Variants in DBF4 observed in about 807,000 individuals in gnomAD.
The protein encoded by DBF4 is protein DBF4 homolog A.
A neutral mutation model predicts 76.6 loss-of-function variants in DBF4; 25 were observed. That is an observed-to-expected ratio of 0.33 (90% confidence interval 0.24 to 0.46). DBF4 has a LOEUF of 0.46. DBF4 is among the 20% of genes least tolerant of loss of function. The probability of loss-of-function intolerance (pLI) is 1.00; values close to 1 mark genes in which losing one functional copy is unlikely to be tolerated. For synonymous variants in DBF4, 213 were observed against 258.0 expected (o/e 0.83, Z 1.67); for missense variants, 638 against 760.8 (o/e 0.84, Z 1.90).
chr7:87,888,504 G>T (rs1839415213), intron 6 of DBF4: 1 of 173,534 alleles, frequency 5.8e-6, no homozygotes, highest in South Asian at 1.9e-4. Flanking sequence ...CACATTGGTT[G>T]TTAACGTTCT....
In DBF4 at chr7:87,890,299, G is replaced by GGGGCCAAAGTGGGC. The variant is rs1319231901; in HGVS notation, c.597+2240_597+2241insGGGCCAAAGTGGGC. The stretch of plus-strand genomic sequence containing the variant: ...TATGCCTCTAATCCCAGCACTTTGG[G>GGGGCCAAAGTGGGC]AGGCCAAGGTGGGCAGATCACACGA... On this transcript the variant is annotated intron_variant, in intron 6 of 11. Transcript: ENST00000265728. Among the ~76,000 whole-genome samples the GGGGCCAAAGTGGGC allele has an allele frequency of 5.9e-5, 9 of 152,312 alleles. No homozygotes were observed. In the East Asian group the frequency reaches 1.5e-3, roughly 26 times the overall value.
In DBF4 at chr7:87,909,300, C is replaced by CTA. The variant is rs1427734463; in HGVS notation, c.*1138_*1139dup. 2.6e-5 allele frequency: 4 copies of CTA among 152,310 alleles called. 1 individual carries two copies. The South Asian group carries it at 8.3e-4, about 32-fold the overall frequency. 9.4% of individuals were successfully genotyped at this position (152,310 alleles called of 1,614,324 possible). On this transcript the variant is annotated 3_prime_UTR_variant, in exon 12 of 12. Coordinates refer to ENST00000265728, the MANE Select transcript of DBF4 (RefSeq NM_006716.4). ...TGAGTATGTTCTTGTAGGAGTAAGA[C>CTA]TACCACCAGTGACATTCAATTGGTT...
chr7:87,891,485 T>C (rs1396762606), intron 6 of DBF4, among the ~76,000 whole-genome samples: 2 of 152,186 alleles, frequency 1.3e-5, no homozygotes, highest in African/African-American at 4.8e-5. Flanking sequence ...TAATTCAGGT[T>C]ATTTTCTCTT....
In DBF4 at chr7:87,899,042, A is replaced by G. The variant is rs577119362; in HGVS notation, c.681-1179A>G. Reference sequence around the variant, plus strand: ...AGTGTTGAGAAAACTAGATATACACATGCAAAAGAATGGCATTAGACTCCT... The same window carrying G: ...AGTGTTGAGAAAACTAGATATACACGTGCAAAAGAATGGCATTAGACTCCT... On this transcript the variant is annotated intron_variant, in intron 8 of 11. Coordinates refer to ENST00000265728, the MANE Select transcript of DBF4 (RefSeq NM_006716.4). Among the ~76,000 whole-genome samples the G allele has an allele frequency of 3.3e-5, 5 of 152,284 alleles. No homozygotes were observed. The East Asian group carries it at 7.7e-4, about 23-fold the overall frequency.
chr7:87,899,569 A>G (rs570559034), intron 8 of DBF4, among the ~76,000 whole-genome samples: 1 of 152,356 alleles, frequency 6.6e-6, no homozygotes, highest in South Asian at 2.1e-4. Context: ...ACCACTTTAC[A>G]TTATTTAGGA....
intron 2 of DBF4, among the ~76,000 whole-genome samples, chr7:87,878,732 C>T (rs1314195523): frequency 2.6e-5 from 4 of 152,182 alleles, no homozygotes; most frequent in African/African-American, 9.7e-5. Context: ...ACCTTATACA[C>T]TGATTAGATG....
chr7:87,883,949 C>T (rs1261524897), intron 2 of DBF4, among the ~76,000 whole-genome samples: 1 of 151,616 alleles, frequency 6.6e-6, no homozygotes, highest in Non-Finnish European at 1.5e-5. Context: ...TTTACTTCTC[C>T]CTATTTTTAT....
In DBF4 at chr7:87,885,122, C is replaced by T. The variant is rs767371327; in HGVS notation, c.363C>T (p.Pro121=). The change falls in exon 3 of 12, where the codon CCC becomes CCT. Residue 121 remains proline (P), a synonymous_variant. Coordinates refer to ENST00000265728, the MANE Select transcript of DBF4 (RefSeq NM_006716.4). ...CTGCAGAAACCACTTCACCTCATCCCAGCCATGATGGAAGTTCATTTAAGT... is the reference window on the plus strand; with the variant it reads ...CTGCAGAAACCACTTCACCTCATCCTAGCCATGATGGAAGTTCATTTAAGT... ...AYTAETTSPH[P]SHDGSSFKSP... is the part of the protein sequence containing the mutation. 22 of 1,611,062 alleles carry T rather than the reference C, an allele frequency of 1.4e-5. 1 individual carries two copies. Among genetic ancestry groups the T allele is most frequent in the Admixed American group, 8.4e-5 (5 of 59,584 alleles).
At chr7:87,898,100 A>T (rs1355051617) in intron 8 of DBF4, among the ~76,000 whole-genome samples, 1 of 152,188 alleles carries the variant, frequency 6.6e-6, no homozygotes, top group Non-Finnish European at 1.5e-5. Flanking sequence ...CTTAATGAAG[A>T]CCACAGATAT....
chr7:87,876,803 A>T (rs1219907121), intron 1 of DBF4, 25 bp downstream of exon 1: 1 of 1,613,296 alleles, frequency 6.2e-7, no homozygotes, highest in East Asian at 2.2e-5. Context: ...CTCCGCCTGC[A>T]GTCCCTTTAA....
intron 10 of DBF4, among the ~76,000 whole-genome samples, chr7:87,901,145 G>A (rs997725789): frequency 1.3e-5 from 2 of 152,026 alleles, no homozygotes; most frequent in Non-Finnish European, 2.9e-5. Context: ...GGATAGGGGT[G>A]GAGATAGGTA....
At chr7:87,898,014 G>A (rs1400401037) in intron 8 of DBF4, among the ~76,000 whole-genome samples, 1 of 152,340 alleles carries the variant, frequency 6.6e-6, no homozygotes, top group East Asian at 1.9e-4. Context: ...TTGACCTCAA[G>A]TGATCCGCCT....
Position 87,900,336 on chromosome 7 carries a change from C to G in DBF4, c.796C>G (p.Gln266Glu), listed in dbSNP as rs772201611. 18 of 1,588,626 alleles carry G rather than the reference C, an allele frequency of 1.1e-5. No individual in the cohort carries two copies. The East Asian group carries it at 2.1e-4, about 18-fold the overall frequency. ...DKPSSMQKQT[Q>E]VKLRIQTDGD... is the part of the protein sequence containing the mutation. ...GCCATCTAGTATGCAAAAGCAAACT[C>G]AGGTTAAACTAAGGTTGGTTTGAAT... Residue 266 changes from glutamine (Q) to glutamate (E), a missense_variant, in exon 9 of 12, where the codon CAG becomes GAG. Transcript: ENST00000265728.
chr7:87,879,643 C>T (rs1278643450), intron 2 of DBF4, among the ~76,000 whole-genome samples: 1 of 152,096 alleles, frequency 6.6e-6, no homozygotes, highest in Non-Finnish European at 1.5e-5. Flanking sequence ...CCATTCTGTT[C>T]CTCTAGCAAT....
Position 87,876,698 on chromosome 7 carries a change from C to T in DBF4, c.-35C>T, listed in dbSNP as rs1159467449. Reference sequence around the variant, plus strand: ...TCGCGGCTGCCCGGTGCGACACTTTCTCCGGACCCAGCATGTAGGTGCCGG... The same window carrying T: ...TCGCGGCTGCCCGGTGCGACACTTTTTCCGGACCCAGCATGTAGGTGCCGG... On this transcript the variant is annotated 5_prime_UTR_variant, in exon 1 of 12. Transcript: ENST00000265728. 6.2e-7 allele frequency: 1 copy of T among 1,613,296 alleles called. No individual in the cohort carries two copies. Among genetic ancestry groups the T allele is most frequent in the Non-Finnish European group, 8.5e-7 (1 of 1,179,822 alleles).
chr7:87,897,478 A>C, intron 8 of DBF4, 139 bp downstream of exon 8: 2 of 645,510 alleles, frequency 3.1e-6, no homozygotes, highest in Non-Finnish European at 5.0e-6. Flanking sequence ...ATGCGGCACA[A>C]GTTAACGAAA....
intron 3 of DBF4, among the ~76,000 whole-genome samples, chr7:87,885,488 TCAGCAAA>T (rs1839323909): frequency 6.6e-6 from 1 of 152,226 alleles, no homozygotes; most frequent in East Asian, 1.9e-4. Context: ...AGAGCAGGGG[TCAGCAAA>T]CTCTGGCCCA....
chr7:87,897,269 C>G (rs1361069930), intron 7 of DBF4, 25 bp from the exon 8 acceptor site: 2 of 1,584,768 alleles, frequency 1.3e-6, no homozygotes, highest in East Asian at 4.5e-5. Context: ...TTGCAAGTAT[C>G]TAATATGTTT....
chr7:87,881,446 C>T (rs938732108), intron 2 of DBF4, among the ~76,000 whole-genome samples: 25 of 152,102 alleles, frequency 1.6e-4, no homozygotes, highest in African/African-American at 6.0e-4. Flanking sequence ...TTATGTCCAT[C>T]CCATCCTCAT....
Sources: allele counts gnomAD v4.1 joint callset (sites outside exome capture counted in the v4.1 genomes callset), GRCh38; gene constraint gnomAD v4.1.1; transcripts MANE v1.5; gene names NCBI Gene and HGNC (gene_info 2026-07-23, HGNC 2026-07-21).